Variants in TSPAN32 observed in about 807,000 individuals in gnomAD.
TSPAN32 encodes tetraspanin-32.
Under a neutral mutation model 42.7 loss-of-function variants are expected in TSPAN32, and 47 were observed. The observed-to-expected ratio is 1.10, with a 90% CI of 0.87 to 1.40. The LOEUF (loss-of-function observed/expected upper bound fraction) is 1.40. TSPAN32 is among the 40% of genes most tolerant of loss of function. The pLI, the probability that TSPAN32 is intolerant of heterozygous loss-of-function variation, is 0.00. For missense variants in TSPAN32, 469 were observed against 424.1 expected (o/e 1.11, Z -0.93); for synonymous variants, 175 against 175.9 (o/e 0.99, Z 0.04).
intron 5 of TSPAN32, 53 bp from the exon 6 acceptor site, chr11:2,314,432 G>T: frequency 6.9e-7 from 1 of 1,456,868 alleles, no homozygotes; most frequent in Non-Finnish European, 9.5e-7. Flanking sequence ...TGTGCTGCCC[G>T]CCTCCTGGGG....
chr11:2,312,948 A>G (rs1243438543), intron 4 of TSPAN32, among the ~76,000 whole-genome samples: 2 of 152,152 alleles, frequency 1.3e-5, no homozygotes. Context: ...GCGAGATTCC[A>G]GTTTGTCTTT....
chr11:2,315,562 C>T (rs907655190), intron 6 of TSPAN32: 43 of 1,171,024 alleles, frequency 3.7e-5, no homozygotes, highest in Middle Eastern at 4.0e-4. Context: ...GCGGCAGGCA[C>T]GGAGCCACCC....
intron 6 of TSPAN32, chr11:2,315,684 A>C: frequency 3.3e-6 from 4 of 1,194,518 alleles, no homozygotes; most frequent in Non-Finnish European, 4.2e-6. Flanking sequence ...CATCATCTCC[A>C]GGGTTCAGAG....
At chr11:2,312,569 C>A (rs1481530228) in intron 4 of TSPAN32, among the ~76,000 whole-genome samples, 3 of 152,216 alleles carry the variant, frequency 2.0e-5, no homozygotes, top group African/African-American at 7.2e-5. Context: ...CCTGTTGGGG[C>A]CTCCAGGCTT....
intron 6 of TSPAN32, chr11:2,315,419 T>TG: frequency 8.8e-7 from 1 of 1,137,484 alleles, no homozygotes; most frequent in Non-Finnish European, 1.1e-6. Flanking sequence ...AGGACCCCTG[T>TG]GCCACCCAAG....
intron 6 of TSPAN32, chr11:2,315,615 G>A: frequency 8.5e-7 from 1 of 1,180,866 alleles, no homozygotes; most frequent in Non-Finnish European, 1.1e-6. Context: ...CCTGCCTGCG[G>A]GGGACAGGAG....
Position 2,302,124 on chromosome 11 carries a change from G to A in TSPAN32, c.-26G>A, listed in dbSNP as rs2133277819. The A allele has an allele frequency of 1.4e-6, 2 of 1,467,762 alleles. No individual in the cohort carries two copies. The highest frequency in any genetic ancestry group is 1.8e-6 in the Non-Finnish European group (2 of 1,109,072). 90.9% of individuals were successfully genotyped at this position (1,467,762 alleles called of 1,614,324 possible). A position where few individuals can be genotyped will look rare whatever the true frequency, so the allele number is the denominator to read the frequency against. ...AAACCACAGGGAGGGGAAGGGAGGG[G>A]AGGAGAGGAGAGGAGAGGAACCGTC... On this transcript the variant is annotated 5_prime_UTR_variant, in exon 1 of 10. Transcript: ENST00000182290.
chr11:2,317,662 C>G lies in TSPAN32; in HGVS notation c.901+137C>G. ...GATGCAAGGGTAAGGGGTAGCTCACCAAATCCCTCCATGGGAACGGGCTGG... is the reference window on the plus strand; with the variant it reads ...GATGCAAGGGTAAGGGGTAGCTCACGAAATCCCTCCATGGGAACGGGCTGG... On this transcript the variant is annotated intron_variant, in intron 9 of 9. Transcript: ENST00000182290. This position sits in a 1 kb window ranked among gnomAD's most constrained non-coding sequence, Gnocchi z 6.2. 1 of 1,478,188 alleles carries G rather than the reference C, an allele frequency of 6.8e-7. No homozygotes were observed. Among genetic ancestry groups the G allele is most frequent in the Non-Finnish European group, 8.9e-7 (1 of 1,121,578 alleles). The allele number at this position is 1,478,188 out of a possible 1,614,324, so 91.6% of individuals were successfully genotyped here.
At chr11:2,309,822 C>T (rs1271705499) in intron 4 of TSPAN32, among the ~76,000 whole-genome samples, 77 of 151,614 alleles carry the variant, frequency 5.1e-4, no homozygotes, top group Non-Finnish European at 1.0e-3. Flanking sequence ...TGGGGGGACT[C>T]AGGCCCTCTG....
At position 2,317,408 on chromosome 11, in the gene TSPAN32, T is replaced by C; in HGVS notation, c.784T>C (p.Cys262Arg). ...ATGCTCCCAGGGTGGACCCACACATTGTCTCCACTCCGAAGCAGTTGCTAT... is the reference window on the plus strand; with the variant it reads ...ATGCTCCCAGGGTGGACCCACACATCGTCTCCACTCCGAAGCAGTTGCTAT... ...LRCSQGGPTH[C>R]LHSEAVAIGP... The change falls in exon 9 of 10, where the codon TGT (cysteine) becomes CGT (arginine). Residue 262 changes from cysteine (C) to arginine (R), a missense_variant. By Grantham distance (180) the Cys-to-Arg change is radical. Transcript: ENST00000182290. The surrounding 1 kb of genome is among the most constrained non-coding windows in gnomAD (Gnocchi z 6.2). 2 of 1,601,894 alleles carry C rather than the reference T, an allele frequency of 1.2e-6. No individual in the cohort carries two copies. The highest frequency in any genetic ancestry group is 2.3e-5 in the East Asian group (1 of 44,396).
At position 2,317,951 on chromosome 11, in the gene TSPAN32, C is replaced by A. The variant is rs766213741; in HGVS notation, c.*27C>A. The A allele has an allele frequency of 1.1e-5, 9 of 847,674 alleles. No homozygotes were observed. In the East Asian group the frequency reaches 2.2e-4, roughly 20 times the overall value. 52.5% of individuals were successfully genotyped at this position (847,674 alleles called of 1,614,324 possible). A position where few individuals can be genotyped will look rare whatever the true frequency, so the allele number is the denominator to read the frequency against. On this transcript the variant is annotated 3_prime_UTR_variant, in exon 10 of 10. Coordinates refer to ENST00000182290, the MANE Select transcript of TSPAN32 (RefSeq NM_139022.3). This position sits in a 1 kb window ranked among gnomAD's most constrained non-coding sequence, Gnocchi z 6.2. ...GTCAGGCCTTGGTGGGCTGCACTCT[C>A]ACCTGGAGGCTCCGGGGAAGCATCT...
Position 2,313,846 on chromosome 11 carries a change from TG to T in TSPAN32, c.456+93del. 9.2e-7 allele frequency: 1 copy of T among 1,082,708 alleles called. No individual in the cohort carries two copies. The allele number at this position is 1,082,708 out of a possible 1,614,324, so 67.1% of individuals were successfully genotyped here. A position where few individuals can be genotyped will look rare whatever the true frequency, so the allele number is the denominator to read the frequency against. On this transcript the variant is annotated intron_variant, in intron 5 of 9. Transcript: ENST00000182290. The surrounding 1 kb of genome is among the most constrained non-coding windows in gnomAD (Gnocchi z 9.1). ...GGCGCAGGGTGGCCAGTGAGAGGTC[TG>T]GCCAGGCACCGAGGGGGTTCCAGGA... is the stretch of plus-strand genomic sequence containing the variant.
chr11:2,312,351 TCA>T (rs1848510689), intron 4 of TSPAN32, among the ~76,000 whole-genome samples: 1 of 152,096 alleles, frequency 6.6e-6, no homozygotes, highest in African/African-American at 2.4e-5. Flanking sequence ...CATTTCACAC[TCA>T]CAGACGCTGA....
intron 3 of TSPAN32, among the ~76,000 whole-genome samples, chr11:2,305,111 T>C (rs774871669): frequency 8.5e-5 from 13 of 152,216 alleles, no homozygotes; most frequent in Non-Finnish European, 1.9e-4. Flanking sequence ...AGCCTTCAAG[T>C]TCAGCAAATG....
intron 3 of TSPAN32, among the ~76,000 whole-genome samples, chr11:2,305,374 C>A (rs1047598339): frequency 4.0e-5 from 6 of 149,480 alleles, no homozygotes; most frequent in South Asian, 2.1e-4. Flanking sequence ...TAGTCTGCCC[C>A]CCCCCCCAGA....
chr11:2,302,861 G>T lies in TSPAN32; in HGVS notation c.84G>T (p.Val28=). The part of the protein sequence containing the change: ...CFFILLLGLS[V]ATMVTLTYFG... ...ATCCACAGCTGCTGGGCCTCTCTGT[G>T]GCCACCATGGTGACTCTTACCTACT... The change falls in exon 2 of 10, where the codon GTG becomes GTT. Residue 28 remains valine (V), a synonymous_variant. Transcript: ENST00000182290. 6.8e-6 allele frequency: 11 copies of T among 1,613,598 alleles called. No homozygotes were observed. Among genetic ancestry groups the T allele is most frequent in the Non-Finnish European group, 9.3e-6 (11 of 1,179,818 alleles).
chr11:2,317,766 G>A lies in TSPAN32; in HGVS notation c.902-97G>A. ...GACACTGGTGGCCCACGGCCTGGAG[G>A]GCTCCACCCAGACACAAGCTGCACT... On this transcript the variant is annotated intron_variant, in intron 9 of 9. Coordinates refer to ENST00000182290, the MANE Select transcript of TSPAN32 (RefSeq NM_139022.3). This position sits in a 1 kb window ranked among gnomAD's most constrained non-coding sequence, Gnocchi z 6.2. 1.3e-6 allele frequency: 2 copies of A among 1,549,590 alleles called. No homozygotes were observed. The highest frequency in any genetic ancestry group is 1.7e-6 in the Non-Finnish European group (2 of 1,155,416).
chr11:2,308,904 C>T, intron 4 of TSPAN32, 94 bp downstream of exon 4: 1 of 851,884 alleles, frequency 1.2e-6, no homozygotes, highest in Middle Eastern at 2.6e-4. Context: ...AGGAGCAGCC[C>T]CAGCTTCCAG....
At chr11:2,316,044 C>A in intron 6 of TSPAN32, 185 bp from the exon 7 acceptor site, 1 of 1,534,272 alleles carries the variant, frequency 6.5e-7, no homozygotes, top group Non-Finnish European at 8.7e-7. Flanking sequence ...TCCCACTGGG[C>A]TTCACCTGCT....
Sources: allele counts gnomAD v4.1 joint callset (sites outside exome capture counted in the v4.1 genomes callset), GRCh38; gene constraint gnomAD v4.1.1; non-coding constraint Gnocchi (gnomAD v3.1); transcripts MANE v1.5; gene names NCBI Gene and HGNC (gene_info 2026-07-23, HGNC 2026-07-21).